ACOT1: variants seen among roughly 807,000 people sequenced by gnomAD.
The protein encoded by ACOT1 is acyl-CoA thioesterase 1.
ACOT1 carries 8 observed loss-of-function variants against 15.7 expected under a neutral mutation model. The ratio of observed to expected loss-of-function variants is 0.51; its 90% CI spans 0.30 to 0.92. The LOEUF is 0.92. Among genes scored for constraint, ACOT1 ranks in the 40% least tolerant of loss-of-function variants. ACOT1 has a pLI of 0.06. For synonymous variants in ACOT1, 67 were observed against 241.2 expected (o/e 0.28, Z 6.69); for missense variants, 151 against 539.4 (o/e 0.28, Z 7.13).
chr14:73,505,741 G>C, the ACOT1 span, among the ~76,000 whole-genome samples: 2 of 151,990 alleles, frequency 1.3e-5, no homozygotes, highest in Non-Finnish European at 2.9e-5. Context: ...AAGCAGCACA[G>C]ACACTCATTT....
At chr14:73,524,232 G>A in the ACOT1 span, among the ~76,000 whole-genome samples, 1 of 143,392 alleles carries the variant, frequency 7.0e-6, no homozygotes, top group Non-Finnish European at 1.5e-5. Flanking sequence ...GGGGGAGATT[G>A]CAGTGAGCCA....
the ACOT1 span, among the ~76,000 whole-genome samples, chr14:73,509,749 G>C: frequency 7.3e-6 from 1 of 136,830 alleles, no homozygotes; most frequent in Non-Finnish European, 1.5e-5. Flanking sequence ...TTTCCAGCTA[G>C]GCTACAGTGA....
At chr14:73,501,443 T>TG in the ACOT1 span, among the ~76,000 whole-genome samples, 5 of 151,698 alleles carry the variant, frequency 3.3e-5, no homozygotes, top group African/African-American at 7.3e-5. Context: ...TTTTTAGAGA[T>TG]GGGGTCTTGC....
the ACOT1 span, chr14:73,508,129 C>T: frequency 1.9e-5 from 31 of 1,613,630 alleles, no homozygotes; most frequent in African/African-American, 4.0e-4. Flanking sequence ...GTAATGGACA[C>T]ATACTGTCTT....
the ACOT1 span, chr14:73,491,067 A>G: frequency 0.73 from 1,157,892 of 1,592,032 alleles, 423,628 homozygotes; most frequent in East Asian, 0.88. Context: ...GGGCGGCCGA[A>G]GCGCCGGCGC....
the ACOT1 span, among the ~76,000 whole-genome samples, chr14:73,526,538 A>T: frequency 1.3e-5 from 2 of 152,092 alleles, no homozygotes; most frequent in Non-Finnish European, 2.9e-5. Context: ...TACTTGGGGA[A>T]AGGAGAGGGA....
the ACOT1 span, among the ~76,000 whole-genome samples, chr14:73,514,970 A>C: frequency 6.6e-6 from 1 of 151,832 alleles, no homozygotes; most frequent in Non-Finnish European, 1.5e-5. Context: ...TGAGAGGCTG[A>C]GGCAGGAGAA....
the ACOT1 span, chr14:73,521,106 A>C: frequency 7.3e-7 from 1 of 1,369,308 alleles, no homozygotes; most frequent in African/African-American, 1.4e-5. Context: ...TTTCCATTAA[A>C]TCCACAGCTC....
chr14:73,502,448 T>G, the ACOT1 span, among the ~76,000 whole-genome samples: 1 of 152,148 alleles, frequency 6.6e-6, no homozygotes, highest in Non-Finnish European at 1.5e-5. Context: ...CCTAGCCACA[T>G]TGTTAGTTTG....
the ACOT1 span, among the ~76,000 whole-genome samples, chr14:73,501,201 C>T: frequency 6.6e-6 from 1 of 151,612 alleles, no homozygotes; most frequent in Non-Finnish European, 1.5e-5. Flanking sequence ...TTACTGCAAG[C>T]GCCGCCTCCT....
At chr14:73,492,408 C>T in the ACOT1 span, 1 of 1,613,730 alleles carries the variant, frequency 6.2e-7, no homozygotes, top group Non-Finnish European at 8.5e-7. The surrounding 1 kb of genome is among the most constrained non-coding windows in gnomAD (Gnocchi z 4.9). Flanking sequence ...TACATGGGGG[C>T]CCAGCATTCA....
At chr14:73,506,353 G>A in the ACOT1 span, 5 of 702,154 alleles carry the variant, frequency 7.1e-6, no homozygotes, top group South Asian at 1.7e-5. Context: ...AGTGATGTGG[G>A]AACAGAGATC....
At chr14:73,521,051 T>C in the ACOT1 span, 9 of 1,609,514 alleles carry the variant, frequency 5.6e-6, no homozygotes, top group Non-Finnish European at 7.6e-6. Flanking sequence ...TTGGCAGGGG[T>C]GAGAAAGGAG....
At chr14:73,534,774 G>GT (rs1339835144), upstream of ACOT1, among the ~76,000 whole-genome samples, 18 of 106,156 alleles carry the variant, frequency 1.7e-4, 5 homozygotes, top group Non-Finnish European at 2.8e-4. Context: ...TTAGATGTGT[G>GT]TTTTTTTTAA....
chr14:73,512,005 C>A, the ACOT1 span: 1 of 1,613,912 alleles, frequency 6.2e-7, no homozygotes, highest in Middle Eastern at 1.7e-4. Context: ...TTGGCTCTCA[C>A]CTGAGTCTCT....
In ACOT1 at chr14:73,540,834, C is replaced by T. The variant is rs1295532083; in HGVS notation, c.458-659C>T. Among the ~76,000 whole-genome samples the T allele has an allele frequency of 9.2e-5, 10 of 109,268 alleles. No individual in the cohort carries two copies. The South Asian group carries it at 2.0e-3, about 22-fold the overall frequency. The allele number at this position is 109,268 out of a possible 152,430, so 71.7% of individuals were successfully genotyped here. On this transcript the variant is annotated intron_variant, in intron 1 of 2. Coordinates refer to ENST00000311148, the MANE Select transcript of ACOT1 (RefSeq NM_001037161.2). ...TTGGCTCACTGCAACCTCCAACTCC[C>T]GGGTTCAAGCGATTCTCCTCCCTCA...
the ACOT1 span, among the ~76,000 whole-genome samples, chr14:73,512,487 A>G: frequency 2.0e-5 from 3 of 152,206 alleles, no homozygotes; most frequent in Non-Finnish European, 2.9e-5. Context: ...CTGGTTTGGG[A>G]TCACAGTTAT....
At chr14:73,492,640 G>A in the ACOT1 span, 2 of 1,614,018 alleles carry the variant, frequency 1.2e-6, no homozygotes, top group South Asian at 2.2e-5. This position sits in a 1 kb window ranked among gnomAD's most constrained non-coding sequence, Gnocchi z 4.9. Context: ...TGGGGGCCCA[G>A]TTGACAACAG....
the ACOT1 span, chr14:73,509,399 C>T: frequency 1.2e-6 from 2 of 1,614,114 alleles, no homozygotes; most frequent in Non-Finnish European, 1.7e-6. Context: ...GCCATCCGCA[C>T]ATGGGCATTC....
Sources: allele counts gnomAD v4.1 joint callset (sites outside exome capture counted in the v4.1 genomes callset), GRCh38; gene constraint gnomAD v4.1.1; non-coding constraint Gnocchi (gnomAD v3.1); transcripts MANE v1.5; gene names NCBI Gene and HGNC (gene_info 2026-07-23, HGNC 2026-07-21).